Variants in ZNRF3 observed in about 807,000 individuals in gnomAD.
The protein encoded by ZNRF3 is zinc and ring finger 3, also known as E3 ubiquitin-protein ligase ZNRF3.
In ZNRF3, 23 loss-of-function variants were observed where a neutral mutation model predicts 72.5. The ratio of observed to expected loss-of-function variants is 0.32; its 90% CI spans 0.23 to 0.45. ZNRF3 has a LOEUF of 0.45. Ranked by LOEUF, ZNRF3 falls within the 20% of genes least tolerant of loss-of-function variation. The probability of loss-of-function intolerance (pLI) is 1.00; values close to 1 mark genes in which losing one functional copy is unlikely to be tolerated. For synonymous variants in ZNRF3, 610 were observed against 545.3 expected (o/e 1.12, Z -1.65); for missense variants, 1,169 against 1,272.1 (o/e 0.92, Z 1.23).
chr22:29,042,864 T>G (rs1569293333), intron 3 of ZNRF3, among the ~76,000 whole-genome samples: 2 of 151,906 alleles, frequency 1.3e-5, no homozygotes, highest in Middle Eastern at 3.4e-3. Flanking sequence ...AATCTCCACC[T>G]CCCGGGTTCA....
intron 1 of ZNRF3, among the ~76,000 whole-genome samples, chr22:28,917,677 G>C (rs2034434257): frequency 6.6e-6 from 1 of 151,926 alleles, no homozygotes; most frequent in South Asian, 2.1e-4. Flanking sequence ...TCTTTAAAAA[G>C]AAAAAAAGCT....
intron 2 of ZNRF3, among the ~76,000 whole-genome samples, chr22:29,027,798 T>C (rs1455162802): frequency 1.3e-5 from 2 of 152,162 alleles, no homozygotes; most frequent in Non-Finnish European, 2.9e-5. Context: ...GTCACAGAGC[T>C]GGGAAGGTGA....
At chr22:28,913,379 T>A (rs2034353066) in intron 1 of ZNRF3, among the ~76,000 whole-genome samples, 1 of 152,338 alleles carries the variant, frequency 6.6e-6, no homozygotes, top group Non-Finnish European at 1.5e-5. Context: ...ATCACAGAAC[T>A]TTTTCTCAAA....
chr22:28,946,696 G>T (rs754726456), intron 1 of ZNRF3, among the ~76,000 whole-genome samples: 2 of 152,202 alleles, frequency 1.3e-5, no homozygotes, highest in Non-Finnish European at 2.9e-5. Flanking sequence ...GCAGATGATG[G>T]TTCTATGAAC....
rs1007619728 is a variant in ZNRF3 at position 28,925,756 on chromosome 22, T to C, written c.300+41690T>C. 2.3e-4 allele frequency among the ~76,000 whole-genome samples: 35 copies of C among 152,184 alleles called. 1 individual carries two copies. The highest frequency in any genetic ancestry group is 4.9e-4 in the Non-Finnish European group (33 of 68,034). On this transcript the variant is annotated intron_variant, in intron 1 of 8. Coordinates refer to ENST00000544604, the MANE Select transcript of ZNRF3 (RefSeq NM_001206998.2). ...TGGAGTTCAGTGGAGCAATCATGAA[T>C]CACTACAGCCTCAACTTCCTGAACT...
chr22:28,913,261 T>G (rs1375907906), intron 1 of ZNRF3, among the ~76,000 whole-genome samples: 3 of 152,246 alleles, frequency 2.0e-5, no homozygotes, highest in African/African-American at 7.2e-5. Context: ...TGATCCTAGT[T>G]TTCTCTTAGA....
At chr22:28,969,750 T>C (rs2035536812) in intron 1 of ZNRF3, among the ~76,000 whole-genome samples, 1 of 152,162 alleles carries the variant, frequency 6.6e-6, no homozygotes, top group Non-Finnish European at 1.5e-5. Flanking sequence ...CTCTGGCTGC[T>C]GTATTTGAGA....
chr22:29,018,175 G>A (rs1335008543), intron 2 of ZNRF3: 1 of 422,828 alleles, frequency 2.4e-6, no homozygotes, highest in African/African-American at 2.0e-5. Flanking sequence ...AGGATGAGAA[G>A]ACAGCTCAGG....
intron 1 of ZNRF3, among the ~76,000 whole-genome samples, chr22:28,899,340 G>A (rs2034062155): frequency 6.6e-6 from 1 of 152,168 alleles, no homozygotes; most frequent in Admixed American, 6.5e-5. Context: ...GAATATTTAT[G>A]TTGAGCCAAG....
At chr22:28,909,019 C>T (rs1403436256) in intron 1 of ZNRF3, among the ~76,000 whole-genome samples, 2 of 152,094 alleles carry the variant, frequency 1.3e-5, no homozygotes, top group Non-Finnish European at 2.9e-5. Context: ...CCTCAGCCTC[C>T]TGAGTAGCTG....
In ZNRF3 at chr22:29,046,734, G is replaced by C. The variant is rs751261924; in HGVS notation, c.763G>C (p.Ala255Pro). ...CCTGCAGAATTCCATGAACAGGCTG[G>C]CTGTGCAGGCTCTAGAGAAGATGGA... is the stretch of plus-strand genomic sequence containing the variant. Reference protein sequence around the residue: ...RRSQNSMNRLAVQALEKMETR... With the variant: ...RRSQNSMNRLPVQALEKMETR... Residue 255 changes from alanine (A) to proline (P), a missense_variant, in exon 6 of 9, where the codon GCT becomes CCT. By Grantham distance (27) the Ala-to-Pro change is conservative. Coordinates refer to ENST00000544604, the MANE Select transcript of ZNRF3 (RefSeq NM_001206998.2). 7 of 1,607,682 alleles carry C rather than the reference G, an allele frequency of 4.4e-6. No individual in the cohort carries two copies. Among genetic ancestry groups the C allele is most frequent in the Non-Finnish European group, 5.1e-6 (6 of 1,176,874 alleles).
In ZNRF3 at chr22:28,994,176, C is replaced by CTTTTTTTTTTTTTTTTTTTTTTT. The variant is rs57329565; in HGVS notation, c.426+6980_426+7002dup. Among the ~76,000 whole-genome samples, 60 of 39,806 alleles carry CTTTTTTTTTTTTTTTTTTTTTTT rather than the reference C, an allele frequency of 1.5e-3. 6 individuals are homozygous for CTTTTTTTTTTTTTTTTTTTTTTT. The highest frequency in any genetic ancestry group is 2.0e-3 in the Non-Finnish European group (45 of 22,952). The allele number at this position is 39,806 out of a possible 152,430, so 26.1% of individuals were successfully genotyped here. A position where few individuals can be genotyped will look rare whatever the true frequency, so the allele number is the denominator to read the frequency against. On this transcript the variant is annotated intron_variant, in intron 2 of 8. Transcript: ENST00000544604. ...TCCTTTATTGTCCTTCAGTTCCTTTCTTTTTTTTTTTTTTTTTTTTTTTTT... is the reference window on the plus strand; with the variant it reads ...TCCTTTATTGTCCTTCAGTTCCTTTCTTTTTTTTTTTTTTTTTTTTTTTTTTTTTTTTTTTTTTTTTTTTTTTT...
intron 1 of ZNRF3, among the ~76,000 whole-genome samples, chr22:28,957,804 C>T (rs1026504520): frequency 3.3e-5 from 5 of 151,934 alleles, no homozygotes; most frequent in South Asian, 2.1e-4. Flanking sequence ...GAGACTGTAC[C>T]GTGATTAGGG....
At chr22:28,937,211 A>T (rs1321360781) in intron 1 of ZNRF3, among the ~76,000 whole-genome samples, 248 of 3,024 alleles carry the variant, frequency 0.082, 5 homozygotes, top group Non-Finnish European at 0.13. Flanking sequence ...ATATATATAT[A>T]TATATTTTTT....
At chr22:29,047,394 T>G (rs913662123) in intron 6 of ZNRF3, among the ~76,000 whole-genome samples, 4 of 152,184 alleles carry the variant, frequency 2.6e-5, no homozygotes, top group African/African-American at 9.7e-5. Flanking sequence ...CATACACATA[T>G]TTGCGGGGCA....
At chr22:28,961,322 G>A (rs2035354658) in intron 1 of ZNRF3, among the ~76,000 whole-genome samples, 1 of 152,210 alleles carries the variant, frequency 6.6e-6, no homozygotes, top group African/African-American at 2.4e-5. Context: ...TCAAACCATA[G>A]CACATGCATT....
chr22:28,910,125 T>C lies in ZNRF3; in HGVS notation c.300+26059T>C, dbSNP rs369163187. On this transcript the variant is annotated intron_variant, in intron 1 of 8. Coordinates refer to ENST00000544604, the MANE Select transcript of ZNRF3 (RefSeq NM_001206998.2). ...ATCTCAGCTCACTGCAACCTCTGCC[T>C]CCTGGGTTCAAGCGATTCTCCTGCC... 7.9e-3 allele frequency among the ~76,000 whole-genome samples: 1,190 copies of C among 151,538 alleles called. 12 individuals are homozygous for C. Among genetic ancestry groups the C allele is most frequent in the African/African-American group, 0.027 (1,114 of 41,266 alleles).
chr22:28,991,462 G>C (rs1416058269), intron 2 of ZNRF3, among the ~76,000 whole-genome samples: 4 of 152,048 alleles, frequency 2.6e-5, no homozygotes. Flanking sequence ...ACTTCATTCA[G>C]TTCTCGGTGC....
intron 6 of ZNRF3, among the ~76,000 whole-genome samples, chr22:29,047,931 A>G (rs2037104811): frequency 1.3e-5 from 2 of 152,148 alleles, no homozygotes; most frequent in African/African-American, 4.8e-5. Context: ...ACACCTGTCA[A>G]TCATGAGTCC....
Sources: gnomAD v4.1 joint callset for allele counts (sites outside exome capture counted in the v4.1 genomes callset) on GRCh38, gnomAD v4.1.1 for gene constraint, MANE v1.5 for transcripts, NCBI Gene and HGNC (gene_info 2026-07-23, HGNC 2026-07-21) for gene names.